The following LIMCH1 variants were observed in gnomAD, a reference collection of about 807,000 sequenced individuals.
LIMCH1 encodes the protein LIM and calponin homology domains 1.
LIMCH1 carries 113 observed loss-of-function variants against 176.5 expected under a neutral mutation model. That is an observed-to-expected ratio of 0.64 (90% confidence interval 0.55 to 0.75). The LOEUF (loss-of-function observed/expected upper bound fraction) is 0.75. Ranked by LOEUF, LIMCH1 falls within the 30% of genes least tolerant of loss-of-function variation. The pLI is 0.00. For missense variants in LIMCH1, 1,674 were observed against 1,814.9 expected, an observed-to-expected ratio of 0.92 and a Z score of 1.41; for synonymous variants, 619 against 645.9, an observed-to-expected ratio of 0.96 and a Z score of 0.63.
intron 1 of LIMCH1, among the ~76,000 whole-genome samples, chr4:41,438,714 G>GT (rs2062373589): frequency 6.7e-6 from 1 of 149,514 alleles, no homozygotes; most frequent in East Asian, 2.0e-4. Context: ...TTTTGCTTTT[G>GT]TTTTTTAAAT....
chr4:41,439,467 G>A (rs1184302520), intron 1 of LIMCH1, among the ~76,000 whole-genome samples: 2 of 151,986 alleles, frequency 1.3e-5, no homozygotes, highest in Admixed American at 1.3e-4. Context: ...TGTGCCTGTT[G>A]TCCCAGCTCA....
intron 18 of LIMCH1, among the ~76,000 whole-genome samples, chr4:41,655,240 C>T (rs911435099): frequency 1.3e-5 from 2 of 152,232 alleles, no homozygotes; most frequent in Admixed American, 6.5e-5. Context: ...TCCACCTGAA[C>T]GTCAAACTGT....
At position 41,655,988 on chromosome 4, in the gene LIMCH1, T is replaced by C. The variant is rs951535583; in HGVS notation, c.3036+5380T>C. On this transcript the variant is annotated intron_variant, in intron 18 of 31. Transcript: ENST00000503057. ...TCTCACCAGCTCATCTCAAGTGACGTAGCCCATGCTCTGCCTCCCAGTCAG... is the reference window on the plus strand; with the variant it reads ...TCTCACCAGCTCATCTCAAGTGACGCAGCCCATGCTCTGCCTCCCAGTCAG... Among the ~76,000 whole-genome samples the C allele has an allele frequency of 2.0e-5, 3 of 152,340 alleles. No homozygotes were observed. The East Asian group carries it at 5.8e-4, about 29-fold the overall frequency.
chr4:41,409,677 A>G (rs1249258269), intron 1 of LIMCH1, among the ~76,000 whole-genome samples: 1 of 152,204 alleles, frequency 6.6e-6, no homozygotes, highest in African/African-American at 2.4e-5. Context: ...CGGTTCCTAT[A>G]AATGAGGTCC....
chr4:41,530,350 C>G (rs1054569710), intron 3 of LIMCH1, among the ~76,000 whole-genome samples: 5 of 152,176 alleles, frequency 3.3e-5, no homozygotes, highest in African/African-American at 1.2e-4. Flanking sequence ...AGGTTTCCTG[C>G]ACATCCTTCC....
chr4:41,597,284 T>G (rs2089044959), intron 1 of LIMCH1, among the ~76,000 whole-genome samples: 1 of 152,162 alleles, frequency 6.6e-6, no homozygotes, highest in South Asian at 2.1e-4. Flanking sequence ...TTCTGTGCCT[T>G]AGATCACTCA....
At chr4:41,442,901 T>C (rs1169378405) in intron 1 of LIMCH1, among the ~76,000 whole-genome samples, 2 of 152,342 alleles carry the variant, frequency 1.3e-5, no homozygotes, top group African/African-American at 4.8e-5. Context: ...AAGGAATTGC[T>C]AAGTAAATGA....
intron 5 of LIMCH1, among the ~76,000 whole-genome samples, chr4:41,616,196 G>A (rs1013365997): frequency 4.6e-5 from 7 of 152,076 alleles, no homozygotes; most frequent in African/African-American, 7.2e-5. Context: ...AGTAATGAGA[G>A]AAATCAAAGT....
At chr4:41,627,120 G>A in intron 8 of LIMCH1, 110 bp downstream of exon 8, 1 of 1,367,836 alleles carries the variant, frequency 7.3e-7, no homozygotes, top group Non-Finnish European at 9.6e-7. Context: ...ACCCCCTCCA[G>A]TTCCTCTTTC....
chr4:41,528,951 C>T (rs187301097), intron 3 of LIMCH1, among the ~76,000 whole-genome samples: 1 of 152,146 alleles, frequency 6.6e-6, no homozygotes, highest in Non-Finnish European at 1.5e-5. Flanking sequence ...AATGCAAAGA[C>T]CCTGAATCCG....
intron 1 of LIMCH1, among the ~76,000 whole-genome samples, chr4:41,413,495 A>ATTTTTT (rs10631082): frequency 7.2e-6 from 1 of 139,454 alleles, no homozygotes; most frequent in Non-Finnish European, 1.6e-5. Context: ...ATGCCTGGCT[A>ATTTTTT]TTTTTTTTTT....
intron 6 of LIMCH1, 121 bp from the exon 7 acceptor site, chr4:41,620,303 T>G: frequency 3.1e-6 from 3 of 957,766 alleles, no homozygotes; most frequent in Non-Finnish European, 4.5e-6. Context: ...AGGATTATAT[T>G]GTGTGCTATG....
chr4:41,676,411 G>C lies in LIMCH1; in HGVS notation c.3468G>C (p.Glu1156Asp). The change falls in exon 23 of 32, where the codon GAG becomes GAC. Residue 1156 changes from glutamate (E) to aspartate (D), a missense_variant. By Grantham distance (45) the Glu-to-Asp change is conservative. This residue lies in a region of LIMCH1 where 1,015 missense variants were observed against 1,102.5 expected (regional missense o/e 0.92). Coordinates refer to ENST00000503057, the MANE Select transcript of LIMCH1 (RefSeq NM_001330672.2). ...PFKFWAWDPE[E>D]ERRRQEKWQQ... ...AGTTCTGGGCATGGGACCCAGAAGA[G>C]GAGCGCAGGCGACAGGAAAAATGGC... 6.2e-7 allele frequency: 1 copy of C among 1,613,994 alleles called. No individual in the cohort carries two copies. Among genetic ancestry groups the C allele is most frequent in the Non-Finnish European group, 8.5e-7 (1 of 1,179,880 alleles).
chr4:41,696,077 TC>T (rs1384347684), intron 31 of LIMCH1, among the ~76,000 whole-genome samples: 2 of 152,190 alleles, frequency 1.3e-5, no homozygotes, highest in African/African-American at 4.8e-5. Flanking sequence ...GAATATATAA[TC>T]CTATTTTCTC....
intron 1 of LIMCH1, among the ~76,000 whole-genome samples, chr4:41,361,169 G>C (rs2051970553): frequency 6.6e-6 from 1 of 152,228 alleles, no homozygotes; most frequent in Non-Finnish European, 1.5e-5. Context: ...AGCTGCGCGC[G>C]TGAGGGCAGG....
At chr4:41,689,860 C>T in intron 30 of LIMCH1, 1 of 401,626 alleles carries the variant, frequency 2.5e-6, no homozygotes, top group Non-Finnish European at 4.6e-6. Context: ...CCTTACAAAA[C>T]AGTTTTTGTT....
intron 1 of LIMCH1, among the ~76,000 whole-genome samples, chr4:41,542,250 A>G (rs538006528): frequency 1.3e-5 from 2 of 152,208 alleles, no homozygotes; most frequent in Admixed American, 6.5e-5. Flanking sequence ...AACCAGCCTT[A>G]GGAGTTCTCA....
At chr4:41,689,942 T>C (rs1004963935) in intron 30 of LIMCH1, among the ~76,000 whole-genome samples, 2 of 152,216 alleles carry the variant, frequency 1.3e-5, no homozygotes, top group Non-Finnish European at 2.9e-5. Context: ...TCCAAATCTT[T>C]TAGGGCCATG....
intron 7 of LIMCH1, among the ~76,000 whole-genome samples, chr4:41,621,845 A>G (rs1342364447): frequency 6.6e-6 from 1 of 152,192 alleles, no homozygotes; most frequent in Non-Finnish European, 1.5e-5. Flanking sequence ...CTCTGACCAC[A>G]GCACCACATC....
Sources: gnomAD v4.1 joint callset for allele counts (sites outside exome capture counted in the v4.1 genomes callset) on GRCh38, gnomAD v4.1.1 for gene constraint, gnomAD v4.1.1 regional missense constraint, MANE v1.5 for transcripts, NCBI Gene and HGNC (gene_info 2026-07-23, HGNC 2026-07-21) for gene names.